ALCAM: variants seen among roughly 807,000 people sequenced by gnomAD.
The protein encoded by ALCAM is activated leukocyte cell adhesion molecule.
Under a neutral mutation model 70.9 loss-of-function variants are expected in ALCAM, and 30 were observed. That is an observed-to-expected ratio of 0.42 (90% CI 0.32 to 0.57). ALCAM has a LOEUF of 0.57. Ranked by LOEUF, ALCAM falls within the 20% of genes least tolerant of loss-of-function variation. The pLI is 0.11. For missense variants in ALCAM, 591 were observed against 695.1 expected (o/e 0.85, Z 1.68); for synonymous variants, 249 against 242.5 (o/e 1.03, Z -0.25).
intron 1 of ALCAM, among the ~76,000 whole-genome samples, chr3:105,412,742 A>G (rs1206277316): frequency 2.6e-5 from 4 of 152,132 alleles, no homozygotes; most frequent in Admixed American, 6.6e-5. Flanking sequence ...AAGTTTTCCT[A>G]GCCACCTAAT....
intron 1 of ALCAM, among the ~76,000 whole-genome samples, chr3:105,373,009 A>G (rs374531647): frequency 2.4e-4 from 37 of 152,266 alleles, no homozygotes; most frequent in African/African-American, 8.9e-4. Flanking sequence ...GCTCTGCAAA[A>G]TCACATTTCA....
At chr3:105,426,894 T>C (rs950680383) in intron 1 of ALCAM, among the ~76,000 whole-genome samples, 1 of 151,900 alleles carries the variant, frequency 6.6e-6, no homozygotes, top group Non-Finnish European at 1.5e-5. Flanking sequence ...ATTTTTTTTA[T>C]TATTGATTAA....
intron 5 of ALCAM, 45 bp from the exon 6 acceptor site, chr3:105,534,618 T>C: frequency 6.4e-7 from 1 of 1,562,808 alleles, no homozygotes; most frequent in South Asian, 1.1e-5. Context: ...GGATTGTGAT[T>C]GTCAGATGAA....
chr3:105,396,021 G>T (rs1343461094), intron 1 of ALCAM, among the ~76,000 whole-genome samples: 1 of 151,928 alleles, frequency 6.6e-6, no homozygotes, highest in Non-Finnish European at 1.5e-5. Flanking sequence ...TTGGAGGAGG[G>T]GAATTTGATA....
At chr3:105,396,806 T>C (rs796280053) in intron 1 of ALCAM, among the ~76,000 whole-genome samples, 2 of 152,054 alleles carry the variant, frequency 1.3e-5, no homozygotes, top group African/African-American at 4.8e-5. Flanking sequence ...CCATAGCCTC[T>C]GGATTCATTT....
rs539530224 is a variant in ALCAM at position 105,442,713 on chromosome 3, G to A, written c.73+75232G>A. Among the ~76,000 whole-genome samples, 15 of 152,070 alleles carry A rather than the reference G, an allele frequency of 9.9e-5. No individual in the cohort carries two copies. In the South Asian group the frequency reaches 1.2e-3, roughly 13 times the overall value. On this transcript the variant is annotated intron_variant, in intron 1 of 15. Transcript: ENST00000306107. The stretch of plus-strand genomic sequence containing the variant: ...GGAGAATGATGTGAACCCGGGAGGC[G>A]GAGCTTGCAGTGAGCCGAGATCGCA...
chr3:105,519,238 A>G (rs1939467687), intron 1 of ALCAM, among the ~76,000 whole-genome samples: 1 of 152,092 alleles, frequency 6.6e-6, no homozygotes, highest in South Asian at 2.1e-4. Context: ...CTTCATAAAT[A>G]TATCCAGATT....
chr3:105,429,498 T>G (rs763453888), intron 1 of ALCAM, among the ~76,000 whole-genome samples: 34 of 151,982 alleles, frequency 2.2e-4, no homozygotes, highest in Non-Finnish European at 4.3e-4. Context: ...GGGATCTCCA[T>G]GAAAGCTTTT....
At chr3:105,423,499 A>G (rs1466939763) in intron 1 of ALCAM, among the ~76,000 whole-genome samples, 9 of 79,938 alleles carry the variant, frequency 1.1e-4, no homozygotes, top group African/African-American at 1.9e-4. Context: ...TCTTTCAGGG[A>G]AAAAAAAAAA....
At chr3:105,568,045 A>ATTATT (rs1273601070) in intron 14 of ALCAM, among the ~76,000 whole-genome samples, 10 of 137,052 alleles carry the variant, frequency 7.3e-5, no homozygotes, top group South Asian at 2.4e-4. Flanking sequence ...TATTTTTTTT[A>ATTATT]TTATTTTATT....
intron 1 of ALCAM, among the ~76,000 whole-genome samples, chr3:105,405,276 T>TGA (rs1936195658): frequency 9.9e-5 from 1 of 10,118 alleles, no homozygotes; most frequent in Non-Finnish European, 1.6e-4. Flanking sequence ...AAACTTCGTC[T>TGA]CAAAAAAAAA....
chr3:105,536,810 T>A (rs139215931), intron 6 of ALCAM, among the ~76,000 whole-genome samples: 2 of 152,204 alleles, frequency 1.3e-5, no homozygotes, highest in East Asian at 3.9e-4. Flanking sequence ...GTATTAAGAG[T>A]CTTGAGGGCT....
intron 1 of ALCAM, among the ~76,000 whole-genome samples, chr3:105,378,603 A>G (rs1935436559): frequency 6.7e-6 from 1 of 150,090 alleles, no homozygotes; most frequent in South Asian, 2.1e-4. Context: ...ACCCAGCCTC[A>G]ATGGATACTG....
intron 15 of ALCAM, 131 bp downstream of exon 15, chr3:105,572,095 CT>C (rs1475549100): frequency 1.2e-5 from 7 of 568,312 alleles, no homozygotes; most frequent in Non-Finnish European, 2.2e-5. Flanking sequence ...GGTTTTTTTT[CT>C]TTTTATTATG....
intron 1 of ALCAM, among the ~76,000 whole-genome samples, chr3:105,453,821 CT>C (rs1181516522): frequency 1.3e-5 from 2 of 152,066 alleles, no homozygotes; most frequent in African/African-American, 4.8e-5. Context: ...GTATTTTGTT[CT>C]CTTTGTAGAG....
intron 2 of ALCAM, among the ~76,000 whole-genome samples, chr3:105,521,066 C>G (rs2152623126): frequency 6.6e-6 from 1 of 152,036 alleles, no homozygotes; most frequent in South Asian, 2.1e-4. Flanking sequence ...CTTTGGGAGG[C>G]CGAGGCGGGT....
chr3:105,565,906 A>G (rs976995082), intron 14 of ALCAM, among the ~76,000 whole-genome samples: 2 of 152,192 alleles, frequency 1.3e-5, no homozygotes, highest in African/African-American at 2.4e-5. Context: ...CCAGCCAAGT[A>G]TGATTTCTGC....
intron 3 of ALCAM, among the ~76,000 whole-genome samples, chr3:105,526,374 G>T (rs1335594062): frequency 1.3e-5 from 2 of 150,936 alleles, no homozygotes; most frequent in African/African-American, 4.9e-5. Flanking sequence ...TCAGAAATCT[G>T]AAAAAAATTC....
At chr3:105,557,316 G>C (rs1220316835) in intron 14 of ALCAM, among the ~76,000 whole-genome samples, 2 of 151,990 alleles carry the variant, frequency 1.3e-5, no homozygotes, top group East Asian at 3.9e-4. Flanking sequence ...AAATAATAGA[G>C]GGGACTTGAT....
Sources: gnomAD v4.1 joint callset for allele counts (sites outside exome capture counted in the v4.1 genomes callset) on GRCh38, gnomAD v4.1.1 for gene constraint, MANE v1.5 for transcripts, NCBI Gene and HGNC (gene_info 2026-07-23, HGNC 2026-07-21) for gene names.